Variants in INPP5B observed in about 807,000 individuals in gnomAD.
INPP5B encodes the protein inositol polyphosphate-5-phosphatase B.
INPP5B carries 90 observed loss-of-function variants against 118.5 expected under a neutral mutation model. The ratio of observed to expected loss-of-function variants is 0.76; its 90% CI spans 0.64 to 0.90. The LOEUF (loss-of-function observed/expected upper bound fraction) is 0.90. Among genes scored for constraint, INPP5B ranks in the 40% least tolerant of loss-of-function variants. The probability of loss-of-function intolerance (pLI) is 0.00; values close to 1 mark genes in which losing one functional copy is unlikely to be tolerated. For missense variants in INPP5B, 984 were observed against 1,125.6 expected, an observed-to-expected ratio of 0.87 and a Z score of 1.80; for synonymous variants, 385 against 418.9, an observed-to-expected ratio of 0.92 and a Z score of 0.99.
At chr1:37,944,997 G>A (rs1035865240) in intron 3 of INPP5B, among the ~76,000 whole-genome samples, 15 of 152,192 alleles carry the variant, frequency 9.9e-5, no homozygotes, top group Middle Eastern at 3.4e-3. Flanking sequence ...CACCAGGTGC[G>A]GTGGCTCATG....
In INPP5B at chr1:37,943,874, G is replaced by A. The variant is rs745700542; in HGVS notation, c.172C>T (p.Arg58Trp). ...QEHALFLYTH[R>W]RMAITGDDVS... ...TCGTCCCCGGTAATGGCCATCCTCCGGTGCGTATAGAGGAAGAGACTAAGG... is the reference window on the plus strand; with the variant it reads ...TCGTCCCCGGTAATGGCCATCCTCCAGTGCGTATAGAGGAAGAGACTAAGG... Residue 58 changes from arginine to tryptophan, a missense_variant, in exon 4 of 24, where the codon CGG (arginine) becomes TGG (tryptophan). Physicochemically the swap from Arg to Trp is moderately radical, Grantham distance 101. Coordinates refer to ENST00000373024, the MANE Select transcript of INPP5B (RefSeq NM_005540.3). The A allele has an allele frequency of 5.0e-6, 8 of 1,613,738 alleles. No individual in the cohort carries two copies. Among genetic ancestry groups the A allele is most frequent in the African/African-American group, 1.3e-5 (1 of 74,868 alleles).
intron 7 of INPP5B, among the ~76,000 whole-genome samples, chr1:37,904,449 G>A (rs1479247450): frequency 6.6e-6 from 1 of 152,192 alleles, no homozygotes; most frequent in African/African-American, 2.4e-5. Flanking sequence ...TGTTAATCTT[G>A]TAAATGAAAT....
At chr1:37,928,235 G>A (rs1394006835) in intron 7 of INPP5B, among the ~76,000 whole-genome samples, 1 of 151,942 alleles carries the variant, frequency 6.6e-6, no homozygotes, top group Non-Finnish European at 1.5e-5. Context: ...GTGCAATGCC[G>A]CGATCTCAGC....
chr1:37,886,138 C>T (rs1409764673), intron 12 of INPP5B, among the ~76,000 whole-genome samples: 1 of 151,928 alleles, frequency 6.6e-6, no homozygotes, highest in African/African-American at 2.4e-5. Context: ...GATCACGCCA[C>T]TGCACTCCAG....
intron 15 of INPP5B, among the ~76,000 whole-genome samples, chr1:37,879,234 T>G (rs1260131955): frequency 1.3e-5 from 2 of 150,506 alleles, no homozygotes; most frequent in Admixed American, 1.3e-4. Flanking sequence ...ATTGTGCCAC[T>G]GCACTACAGC....
At chr1:37,918,406 A>G (rs192162011) in intron 7 of INPP5B, among the ~76,000 whole-genome samples, 2 of 152,182 alleles carry the variant, frequency 1.3e-5, no homozygotes, top group Admixed American at 1.3e-4. Context: ...TTCTTCACAC[A>G]TGCCATCCGC....
At chr1:37,928,469 C>T (rs1645325906) in intron 7 of INPP5B, 1 of 152,500 alleles carries the variant, frequency 6.6e-6, no homozygotes, top group Non-Finnish European at 1.5e-5. Flanking sequence ...AGCGGTTCTC[C>T]TGCCTCAGAC....
intron 21 of INPP5B, among the ~76,000 whole-genome samples, chr1:37,866,205 G>A (rs1199729881): frequency 6.6e-6 from 1 of 152,172 alleles, no homozygotes; most frequent in Non-Finnish European, 1.5e-5. Flanking sequence ...GGGAGGCTGA[G>A]GTGGGAGGCT....
intron 1 of INPP5B, 73 bp from the exon 2 acceptor site, chr1:37,946,407 G>T: frequency 8.9e-7 from 1 of 1,117,402 alleles, no homozygotes; most frequent in Non-Finnish European, 1.3e-6. Context: ...GCCTCAGAGG[G>T]GTTGGGGGCA....
At chr1:37,874,325 T>C (rs867813543) in intron 17 of INPP5B, among the ~76,000 whole-genome samples, 170 bp from the exon 18 acceptor site, 2 of 152,220 alleles carry the variant, frequency 1.3e-5, no homozygotes, top group African/African-American at 4.8e-5. Context: ...AGACTAGTTA[T>C]CTGTGTTTAA....
chr1:37,878,198 A>G lies in INPP5B; in HGVS notation c.1667T>C (p.Phe556Ser). The change falls in exon 16 of 24, where the codon TTT becomes TCT. Residue 556 changes from phenylalanine to serine, a missense_variant. By Grantham distance (155) the Phe-to-Ser change is radical (BLOSUM62 -2). Transcript: ENST00000373024. ...CCAGCTGCCACCTACCCCGATGTCA[A>G]ACACTGAGCTGACAGGCTTGTGGTC... ...TSDHKPVSSVFDIGVRVVNDE... is the reference protein window; with the variant it reads ...TSDHKPVSSVSDIGVRVVNDE... The G allele has an allele frequency of 2.5e-6, 4 of 1,614,058 alleles. No individual in the cohort carries two copies. Among genetic ancestry groups the G allele is most frequent in the Non-Finnish European group, 3.4e-6 (4 of 1,179,962 alleles).
Position 37,865,742 on chromosome 1 carries a change from G to T in INPP5B, c.2514+19C>A, listed in dbSNP as rs773564879. 3 of 1,610,684 alleles carry T rather than the reference G, an allele frequency of 1.9e-6. No homozygotes were observed. The highest frequency in any genetic ancestry group is 2.7e-5 in the African/African-American group (2 of 74,812). The stretch of plus-strand genomic sequence containing the variant: ...TGGGGTCTGGGGCTAACCACATGCT[G>T]CTCAATGCTTCCTCTCACCTGTTTG... On this transcript the variant is annotated intron_variant, in intron 22 of 23. Transcript: ENST00000373024.
At chr1:37,934,020 G>A (rs1001272983) in intron 6 of INPP5B, among the ~76,000 whole-genome samples, 8 of 151,718 alleles carry the variant, frequency 5.3e-5, no homozygotes, top group Non-Finnish European at 1.0e-4. Flanking sequence ...TGCAACCTCC[G>A]CCTCCCGGGT....
At chr1:37,911,017 C>A (rs1278321990) in intron 7 of INPP5B, among the ~76,000 whole-genome samples, 1 of 152,168 alleles carries the variant, frequency 6.6e-6, no homozygotes, top group Non-Finnish European at 1.5e-5. Context: ...TTTTTCATTA[C>A]ACACAGCTGA....
rs771175717 is a variant in INPP5B at position 37,940,754 on chromosome 1, C to T, written c.325G>A (p.Val109Ile). The change falls in exon 6 of 24, where the codon GTA (valine) becomes ATA (isoleucine). Residue 109 changes from valine (V) to isoleucine (I), a missense_variant. By Grantham distance (29) the Val-to-Ile change is conservative (BLOSUM62 3). Around this residue, in one of 2 missense-constraint regions of INPP5B, gnomAD observed 350 missense variants for 334.6 expected, o/e 1.05. Coordinates refer to ENST00000373024, the MANE Select transcript of INPP5B (RefSeq NM_005540.3). ...VQLDTAELSL[V>I]FQLPFGSQTR... ...TGTGAACCAAAGGGCAGTTGGAATACGAGGCTAAGCTCTGCTGTGTCCAGC... is the reference window on the plus strand; with the variant it reads ...TGTGAACCAAAGGGCAGTTGGAATATGAGGCTAAGCTCTGCTGTGTCCAGC... The T allele has an allele frequency of 5.0e-5, 81 of 1,614,012 alleles. No individual in the cohort carries two copies. The highest frequency in any genetic ancestry group is 1.7e-4 in the Middle Eastern group (1 of 6,058).
At chr1:37,866,136 T>C (rs1400142637) in intron 21 of INPP5B, among the ~76,000 whole-genome samples, 1 of 152,146 alleles carries the variant, frequency 6.6e-6, no homozygotes, top group Non-Finnish European at 1.5e-5. Context: ...ACCCTGCCTC[T>C]ACGAAAAGTT....
At chr1:37,886,533 C>T (rs545665334) in intron 12 of INPP5B, among the ~76,000 whole-genome samples, 9 of 152,320 alleles carry the variant, frequency 5.9e-5, no homozygotes, top group African/African-American at 2.2e-4. Flanking sequence ...AAAAACAGAA[C>T]TTTAATGGCC....
intron 7 of INPP5B, among the ~76,000 whole-genome samples, chr1:37,895,093 A>C (rs1643976605): frequency 6.6e-6 from 1 of 152,170 alleles, no homozygotes; most frequent in South Asian, 2.1e-4. Flanking sequence ...TTAGAGAGCT[A>C]AGGTATTTGA....
At chr1:37,925,951 G>A (rs1052128529) in intron 7 of INPP5B, among the ~76,000 whole-genome samples, 13 of 152,132 alleles carry the variant, frequency 8.5e-5, no homozygotes, top group Non-Finnish European at 1.5e-4. Flanking sequence ...TTCCCACAAC[G>A]GTGGAAATGA....
Sources: gnomAD v4.1 joint callset for allele counts (sites outside exome capture counted in the v4.1 genomes callset) on GRCh38, gnomAD v4.1.1 for gene constraint, gnomAD v4.1.1 regional missense constraint, MANE v1.5 for transcripts, NCBI Gene and HGNC (gene_info 2026-07-23, HGNC 2026-07-21) for gene names.